WDR3: variants seen among roughly 807,000 people sequenced by gnomAD.
WDR3 encodes the protein WD repeat domain 3.
A neutral mutation model predicts 123.7 loss-of-function variants in WDR3; 81 were observed. The ratio of observed to expected loss-of-function variants is 0.65; its 90% confidence interval spans 0.55 to 0.79. WDR3 has a LOEUF of 0.79. Among genes scored for constraint, WDR3 ranks in the 30% least tolerant of loss-of-function variants. WDR3 has a pLI of 0.00. For missense variants in WDR3, 1,027 were observed against 1,123.2 expected (o/e 0.91, Z 1.22); for synonymous variants, 390 against 388.8 (o/e 1.00, Z -0.04).
At chr1:117,945,623 T>C (rs1343109138) in intron 11 of WDR3, among the ~76,000 whole-genome samples, 3 of 152,242 alleles carry the variant, frequency 2.0e-5, no homozygotes, top group Non-Finnish European at 4.4e-5. Flanking sequence ...TCATCCACTG[T>C]TGTATCTCCA....
At chr1:117,941,611 A>T in intron 8 of WDR3, 139 bp from the exon 9 acceptor site, 1 of 1,090,680 alleles carries the variant, frequency 9.2e-7, no homozygotes, top group South Asian at 1.6e-5. Context: ...TGAGATAGCA[A>T]ACCCAGAGAG....
At chr1:117,957,821 G>A (rs981579267) in intron 25 of WDR3, among the ~76,000 whole-genome samples, 10 of 152,194 alleles carry the variant, frequency 6.6e-5, no homozygotes, top group African/African-American at 2.4e-4. Context: ...TTTAGTGTAA[G>A]CTAACAGGTT....
chr1:117,934,718 A>G (rs759096458), intron 3 of WDR3, 36 bp downstream of exon 3: 9 of 1,608,260 alleles, frequency 5.6e-6, no homozygotes, highest in Non-Finnish European at 5.9e-6. Flanking sequence ...TTGATCTATT[A>G]AAGGAATGTA....
At position 117,950,561 on chromosome 1, in the gene WDR3, C is replaced by A. The variant is rs185176195; in HGVS notation, c.1747-273C>A. Among the ~76,000 whole-genome samples, 506 of 152,160 alleles carry A rather than the reference C, an allele frequency of 3.3e-3. 4 individuals are homozygous for A. Among genetic ancestry groups the A allele is most frequent in the Middle Eastern group, 0.01 (3 of 294 alleles). On this transcript the variant is annotated intron_variant, in intron 15 of 26. Transcript: ENST00000349139. ...TTTTGTGAAACAAATGCCCTGGAAT[C>A]TTTTCAGTGAGGAGATACAGAGATC...
rs1653277558 is a variant in WDR3 at position 117,962,783 on chromosome 1, GC to G, written c.*3339del. On this transcript the variant is annotated 3_prime_UTR_variant, in exon 27 of 27. Coordinates refer to ENST00000349139, the MANE Select transcript of WDR3 (RefSeq NM_006784.3). ...ATCTCCAGCAGAGATCTAGGACAGT[GC>G]CCAGGAAAGCAATGGTATCTGTTGG... 1 of 152,206 alleles carries G rather than the reference GC, an allele frequency of 6.6e-6. No homozygotes were observed. Among genetic ancestry groups the G allele is most frequent in the Admixed American group, 6.5e-5 (1 of 15,286 alleles). 9.4% of individuals were successfully genotyped at this position (152,206 alleles called of 1,614,324 possible). A position where few individuals can be genotyped will look rare whatever the true frequency, so the allele number is the denominator to read the frequency against.
rs186922247 is a variant in WDR3, at chr1:117,930,952, T to C, written c.-33+1170T>C. On this transcript the variant is annotated intron_variant, in intron 1 of 26. Transcript: ENST00000349139. ...CCTTGTGGTGTTATTGTGGAGAATTTGTTTATTTATTTTTAGAGACAGAGT... is the reference window on the plus strand; with the variant it reads ...CCTTGTGGTGTTATTGTGGAGAATTCGTTTATTTATTTTTAGAGACAGAGT... Among the ~76,000 whole-genome samples, 373 of 152,278 alleles carry C rather than the reference T, an allele frequency of 2.4e-3. 2 individuals are homozygous for C. The highest frequency in any genetic ancestry group is 4.0e-3 in the Non-Finnish European group (272 of 68,018).
In WDR3 at chr1:117,948,498, C is replaced by T; in HGVS notation, c.1516C>T (p.Pro506Ser). 6.2e-7 allele frequency: 1 copy of T among 1,613,136 alleles called. No homozygotes were observed. The highest frequency in any genetic ancestry group is 8.5e-7 in the Non-Finnish European group (1 of 1,179,510). The change falls in exon 13 of 27, where the codon CCA becomes TCA. Residue 506 changes from proline to serine, a missense_variant. Physicochemically the swap from Pro to Ser is moderately conservative, Grantham distance 74 (BLOSUM62 -1). Transcript: ENST00000349139. ...DGALWSMSLS[P>S]DQRGFVTGGA... ...AGCTTTGTGGTCCATGTCCCTCTCTCCAGATCAGGTAACTAAACCAGATTT... is the reference window on the plus strand; with the variant it reads ...AGCTTTGTGGTCCATGTCCCTCTCTTCAGATCAGGTAACTAAACCAGATTT...
intron 5 of WDR3, 36 bp downstream of exon 5, chr1:117,938,594 GAAGGCAA>G (rs1651025676): frequency 3.2e-6 from 5 of 1,580,954 alleles, no homozygotes; most frequent in African/African-American, 1.4e-5. Context: ...GAAATAATGG[GAAGGCAA>G]AAGGGAAAAG....
rs927739992 is a variant in WDR3 at position 117,962,212 on chromosome 1, G to T, written c.*2765G>T. ...AGAGAAGGAGAACTTTTATGATAAA[G>T]TGACATGTACAGAACCTAGCCAAGT... On this transcript the variant is annotated 3_prime_UTR_variant, in exon 27 of 27. Transcript: ENST00000349139. The T allele has an allele frequency of 6.6e-6, 1 of 152,156 alleles. No individual in the cohort carries two copies. The highest frequency in any genetic ancestry group is 2.4e-5 in the African/African-American group (1 of 41,428). 9.4% of individuals were successfully genotyped at this position (152,156 alleles called of 1,614,324 possible). A position where few individuals can be genotyped will look rare whatever the true frequency, so the allele number is the denominator to read the frequency against.
chr1:117,939,803 T>A (rs1269462067), intron 6 of WDR3, among the ~76,000 whole-genome samples: 2 of 152,218 alleles, frequency 1.3e-5, no homozygotes, highest in Admixed American at 1.3e-4. Flanking sequence ...AATGTTTTAG[T>A]TTGTGGCACT....
intron 4 of WDR3, 36 bp from the exon 5 acceptor site, chr1:117,938,444 A>C: frequency 6.3e-7 from 1 of 1,577,554 alleles, no homozygotes; most frequent in Non-Finnish European, 8.7e-7. Flanking sequence ...GTTTTCCTAA[A>C]CAGGCTATAT....
chr1:117,957,329 C>G, intron 25 of WDR3, 133 bp downstream of exon 25: 1 of 1,163,866 alleles, frequency 8.6e-7, no homozygotes, highest in Non-Finnish European at 1.2e-6. Flanking sequence ...GTAATCCCAG[C>G]ACTTTGGGAG....
In WDR3 at chr1:117,941,851, T is replaced by C. The variant is rs1651184741; in HGVS notation, c.989+4T>C. On this transcript the variant is annotated splice_donor_region_variant and intron_variant, in intron 9 of 26. Transcript: ENST00000349139. The stretch of plus-strand genomic sequence containing the variant: ...AGAAAGCTAGAAAGAAAGCAAAGTA[T>C]GTTTTCTTAATACTTACATTAATAA... 1 of 1,604,390 alleles carries C rather than the reference T, an allele frequency of 6.2e-7. No homozygotes were observed. The highest frequency in any genetic ancestry group is 1.3e-5 in the African/African-American group (1 of 74,264).
chr1:117,954,440 A>G (rs906280867), intron 22 of WDR3, 140 bp from the exon 23 acceptor site: 2 of 770,810 alleles, frequency 2.6e-6, no homozygotes, highest in Non-Finnish European at 4.1e-6. Flanking sequence ...AGGTTTGATA[A>G]TTCTTTTACA....
In WDR3 at chr1:117,963,758, G is replaced by A; in HGVS notation, c.*4311G>A. The A allele has an allele frequency of 6.4e-7, 1 of 1,574,478 alleles. No individual in the cohort carries two copies. The highest frequency in any genetic ancestry group is 8.7e-7 in the Non-Finnish European group (1 of 1,154,400). On this transcript the variant is annotated 3_prime_UTR_variant, in exon 27 of 27. Coordinates refer to ENST00000349139, the MANE Select transcript of WDR3 (RefSeq NM_006784.3). ...ACCTGGGGTCTAATACCTCAAATTTGAATGCTTGACAATCAAATTCCCATT... is the reference window on the plus strand; with the variant it reads ...ACCTGGGGTCTAATACCTCAAATTTAAATGCTTGACAATCAAATTCCCATT...
chr1:117,954,748 T>C, intron 23 of WDR3, 121 bp downstream of exon 23: 1 of 1,066,966 alleles, frequency 9.4e-7, no homozygotes, highest in Non-Finnish European at 1.4e-6. Context: ...TCTTCAAAAG[T>C]CTCTTTTGAA....
At chr1:117,951,760 T>C (rs369444348) in intron 16 of WDR3, among the ~76,000 whole-genome samples, 7 of 152,278 alleles carry the variant, frequency 4.6e-5, no homozygotes, top group African/African-American at 1.7e-4. Context: ...AGTACGAAAG[T>C]ATTTAAGCCA....
chr1:117,962,418 T>C lies in WDR3; in HGVS notation c.*2971T>C, dbSNP rs1210152812. On this transcript the variant is annotated 3_prime_UTR_variant, in exon 27 of 27. Transcript: ENST00000349139. ...TAAAAACCATCTAATGACTAATATC[T>C]CTTGCATATTGTGAAGTAAGTTACC... 2 of 152,192 alleles carry C rather than the reference T, an allele frequency of 1.3e-5. No homozygotes were observed. The highest frequency in any genetic ancestry group is 4.8e-5 in the African/African-American group (2 of 41,446). The allele number at this position is 152,192 out of a possible 1,614,324, so 9.4% of individuals were successfully genotyped here.
chr1:117,950,216 G>C (rs2101218166), intron 15 of WDR3, 86 bp downstream of exon 15: 1 of 1,508,878 alleles, frequency 6.6e-7, no homozygotes, highest in East Asian at 2.3e-5. Flanking sequence ...AAGTGGCCTT[G>C]ACTGTGCCCA....
Sources: allele counts gnomAD v4.1 joint callset (sites outside exome capture counted in the v4.1 genomes callset), GRCh38; gene constraint gnomAD v4.1.1; transcripts MANE v1.5; gene names NCBI Gene and HGNC (gene_info 2026-07-23, HGNC 2026-07-21).